SLC8A1: variants seen among roughly 807,000 people sequenced by gnomAD.
SLC8A1 encodes sodium/calcium exchanger 1.
SLC8A1 carries 18 observed loss-of-function variants against 68.3 expected under a neutral mutation model. The observed-to-expected ratio is 0.26, with a 90% confidence interval of 0.18 to 0.39. SLC8A1 has a LOEUF of 0.39. Ranked by LOEUF, SLC8A1 falls within the 10% of genes least tolerant of loss-of-function variation. The pLI is 1.00. For missense variants in SLC8A1, 985 were observed against 1,156.7 expected (o/e 0.85, Z 2.15); for synonymous variants, 475 against 415.5 (o/e 1.14, Z -1.74).
intron 2 of SLC8A1, among the ~76,000 whole-genome samples, chr2:40,187,055 G>T (rs1487208999): frequency 6.6e-6 from 1 of 152,178 alleles, no homozygotes; most frequent in East Asian, 1.9e-4. Flanking sequence ...GAGCAAATTG[G>T]CAGATGGTAG....
intron 7 of SLC8A1, among the ~76,000 whole-genome samples, chr2:40,131,404 A>G (rs1352629406): frequency 6.6e-6 from 1 of 152,252 alleles, no homozygotes; most frequent in Non-Finnish European, 1.5e-5. Context: ...GGATGGGATG[A>G]GAAGAAATGA....
intron 2 of SLC8A1, among the ~76,000 whole-genome samples, chr2:40,302,714 T>C (rs2071761787): frequency 6.6e-6 from 1 of 152,126 alleles, no homozygotes; most frequent in African/African-American, 2.4e-5. Context: ...TGTGCAAGTA[T>C]CTTTTTTCTG....
intron 2 of SLC8A1, among the ~76,000 whole-genome samples, chr2:40,404,435 G>C (rs534189128): frequency 6.6e-5 from 10 of 152,168 alleles, no homozygotes; most frequent in South Asian, 2.1e-4. Context: ...TTTTGCAATA[G>C]ATATGGTAAT....
intron 2 of SLC8A1, among the ~76,000 whole-genome samples, chr2:40,229,502 G>C (rs907401071): frequency 3.9e-5 from 6 of 152,004 alleles, no homozygotes; most frequent in African/African-American, 1.2e-4. Flanking sequence ...TGTGTTATCT[G>C]TGCAGCTGCA....
At chr2:40,133,398 G>C (rs965076642) in intron 7 of SLC8A1, among the ~76,000 whole-genome samples, 20 of 151,422 alleles carry the variant, frequency 1.3e-4, no homozygotes, top group African/African-American at 3.9e-4. Context: ...AATTGGGGGG[G>C]GGGGGGGTGG....
At chr2:40,292,971 G>C (rs539861126) in intron 2 of SLC8A1, among the ~76,000 whole-genome samples, 6 of 152,256 alleles carry the variant, frequency 3.9e-5, no homozygotes, top group East Asian at 3.9e-4. Flanking sequence ...GAGGACCTGT[G>C]TGCCTTTCCA....
At chr2:40,150,015 G>A (rs2043126285) in intron 6 of SLC8A1, among the ~76,000 whole-genome samples, 1 of 147,530 alleles carries the variant, frequency 6.8e-6, no homozygotes, top group South Asian at 2.2e-4. Flanking sequence ...GATCTTGGAG[G>A]AGACTCCCTC....
intron 2 of SLC8A1, among the ~76,000 whole-genome samples, chr2:40,346,047 T>TTA (rs1466943150): frequency 9.6e-5 from 4 of 41,710 alleles, no homozygotes; most frequent in South Asian, 8.9e-4. Context: ...ACATTAACAG[T>TTA]AAAAAAAAAA....
intron 2 of SLC8A1, among the ~76,000 whole-genome samples, chr2:40,338,356 T>G (rs1328999178): frequency 2.0e-5 from 3 of 152,226 alleles, no homozygotes; most frequent in Non-Finnish European, 2.9e-5. Context: ...TATGTCTGCA[T>G]GTATACATAC....
In SLC8A1 at chr2:40,249,892, A is replaced by G. The variant is rs1333365004; in HGVS notation, c.1809-72037T>C. ...ATGTTCAATTTGCAGATTTTAATTGAAAAAAATATATTTTGATAAGTAGCA... is the reference window on the plus strand; with the variant it reads ...ATGTTCAATTTGCAGATTTTAATTGGAAAAAATATATTTTGATAAGTAGCA... On this transcript the variant is annotated intron_variant, in intron 2 of 7. Coordinates refer to ENST00000406785, the Ensembl canonical transcript of SLC8A1. Among the ~76,000 whole-genome samples the G allele has an allele frequency of 2.0e-5, 3 of 146,664 alleles. No individual in the cohort carries two copies. The East Asian group carries it at 5.8e-4, about 28-fold the overall frequency.
chr2:40,204,813 T>C (rs2055079588), intron 2 of SLC8A1, among the ~76,000 whole-genome samples: 1 of 152,036 alleles, frequency 6.6e-6, no homozygotes, highest in South Asian at 2.1e-4. Context: ...TTATATTCTT[T>C]TTTTCATACT....
chr2:40,193,918 A>G (rs549368870), intron 2 of SLC8A1, among the ~76,000 whole-genome samples: 2 of 152,272 alleles, frequency 1.3e-5, no homozygotes, highest in Admixed American at 1.3e-4. Context: ...CTGAATAAAT[A>G]AAGAAAAGTT....
chr2:40,356,845 T>C (rs1672806799), intron 2 of SLC8A1, among the ~76,000 whole-genome samples: 1 of 152,216 alleles, frequency 6.6e-6, no homozygotes, highest in Non-Finnish European at 1.5e-5. Context: ...ATAGCAGTCA[T>C]ATTTCCAGTT....
At chr2:40,107,279 C>CAAAACAAAAAAAAAAAAAAAAAAAAA (rs1553329308) in exon 8 of SLC8A1, 1 of 64,962 alleles carries the variant, frequency 1.5e-5, no homozygotes, top group African/African-American at 6.2e-5. Context: ...GACTCCGTCT[C>CAAAACAAAAAAAAAAAAAAAAAAAAA]AAAAAAAAAA....
chr2:40,458,258 G>A (rs1238026285), intron 1 of SLC8A1, among the ~76,000 whole-genome samples: 6 of 152,130 alleles, frequency 3.9e-5, no homozygotes, highest in Non-Finnish European at 5.9e-5. Flanking sequence ...ACTTACAAAC[G>A]TTTAAGTGCC....
At chr2:40,465,692 C>T (rs1029138103) in intron 1 of SLC8A1, among the ~76,000 whole-genome samples, 4 of 151,988 alleles carry the variant, frequency 2.6e-5, no homozygotes, top group East Asian at 1.9e-4. Context: ...ATGTTATATT[C>T]GTAATTTTAT....
chr2:40,347,259 C>T (rs1669654914), intron 2 of SLC8A1, among the ~76,000 whole-genome samples: 1 of 152,226 alleles, frequency 6.6e-6, no homozygotes, highest in Non-Finnish European at 1.5e-5. Flanking sequence ...CCTTGGCCTC[C>T]CAAAGTGCTA....
intron 2 of SLC8A1, among the ~76,000 whole-genome samples, chr2:40,178,769 G>C (rs1469444935): frequency 6.6e-6 from 1 of 151,894 alleles, no homozygotes; most frequent in South Asian, 2.1e-4. Flanking sequence ...ATCATAAGGA[G>C]GAAAAGCAGA....
chr2:40,319,962 G>T (rs2149336129), intron 2 of SLC8A1, among the ~76,000 whole-genome samples: 1 of 152,218 alleles, frequency 6.6e-6, no homozygotes, highest in East Asian at 1.9e-4. Flanking sequence ...GGATGGTTCT[G>T]CATCTTAAAT....
Sources: gnomAD v4.1 joint callset for allele counts (sites outside exome capture counted in the v4.1 genomes callset) on GRCh38, gnomAD v4.1.1 for gene constraint, MANE v1.5 for transcripts, NCBI Gene and HGNC (gene_info 2026-07-23, HGNC 2026-07-21) for gene names.